OSBP2: variants seen among roughly 807,000 people sequenced by gnomAD.
OSBP2 encodes oxysterol binding protein 2.
A neutral mutation model predicts 96.0 loss-of-function variants in OSBP2; 66 were observed. The observed-to-expected ratio is 0.69, with a 90% CI of 0.56 to 0.84. The LOEUF is 0.84. OSBP2 is among the 40% of genes least tolerant of loss of function. The pLI, the probability that OSBP2 is intolerant of heterozygous loss-of-function variation, is 0.00. For synonymous variants in OSBP2, 525 were observed against 520.9 expected (o/e 1.01, Z -0.11); for missense variants, 1,038 against 1,222.7 (o/e 0.85, Z 2.25).
chr22:30,904,285 T>C (rs550342582), intron 12 of OSBP2, among the ~76,000 whole-genome samples: 16 of 152,328 alleles, frequency 1.1e-4, no homozygotes, highest in African/African-American at 3.8e-4. Context: ...CAGAACTCTC[T>C]CTCCTTCCTT....
intron 2 of OSBP2, among the ~76,000 whole-genome samples, chr22:30,763,810 C>T (rs949562987): frequency 3.3e-5 from 5 of 152,268 alleles, no homozygotes; most frequent in East Asian, 3.9e-4. Context: ...ATTTTATCTA[C>T]GAGCATTTAA....
At chr22:30,727,962 G>C (rs1425241681) in intron 1 of OSBP2, among the ~76,000 whole-genome samples, 1 of 151,116 alleles carries the variant, frequency 6.6e-6, no homozygotes, top group Non-Finnish European at 1.5e-5. Context: ...AAAATTAGCT[G>C]GGTGTGGTGG....
chr22:30,840,200 C>A, intron 2 of OSBP2, among the ~76,000 whole-genome samples: 1 of 136,980 alleles, frequency 7.3e-6, no homozygotes, highest in Non-Finnish European at 1.5e-5. Context: ...CCTAAAACTT[C>A]AAGTGTAATA....
intron 2 of OSBP2, among the ~76,000 whole-genome samples, chr22:30,862,904 C>T (rs183113942): frequency 2.0e-5 from 3 of 148,320 alleles, no homozygotes; most frequent in Non-Finnish European, 3.0e-5. Flanking sequence ...ACCTGGTAGG[C>T]GGAGGTTGCA....
intron 3 of OSBP2, among the ~76,000 whole-genome samples, chr22:30,886,094 G>C (rs1328320205): frequency 6.6e-6 from 1 of 152,260 alleles, no homozygotes; most frequent in Non-Finnish European, 1.5e-5. Context: ...AAATATGAGT[G>C]ACCACAGCCA....
intron 12 of OSBP2, chr22:30,902,760 C>A: frequency 2.2e-6 from 1 of 447,092 alleles, no homozygotes; most frequent in South Asian, 1.9e-5. Flanking sequence ...GAGTGGAATT[C>A]GTTCACAAGG....
chr22:30,829,920 C>G (rs185850843), intron 2 of OSBP2, among the ~76,000 whole-genome samples: 2 of 152,148 alleles, frequency 1.3e-5, no homozygotes, highest in Non-Finnish European at 2.9e-5. Flanking sequence ...GGTGACCCGA[C>G]GGGGGCCAAA....
At chr22:30,717,252 G>A (rs1425516127) in intron 1 of OSBP2, among the ~76,000 whole-genome samples, 1 of 151,758 alleles carries the variant, frequency 6.6e-6, no homozygotes, top group African/African-American at 2.4e-5. Flanking sequence ...CACCTTGCTG[G>A]GTCTTTAATC....
chr22:30,823,897 C>T (rs552412869), intron 2 of OSBP2, among the ~76,000 whole-genome samples: 14 of 152,312 alleles, frequency 9.2e-5, no homozygotes, highest in Admixed American at 7.2e-4. Context: ...ATGTTCTTTA[C>T]GCGAAATTTA....
chr22:30,830,902 A>AT (rs2038508500), intron 2 of OSBP2, among the ~76,000 whole-genome samples: 1 of 149,972 alleles, frequency 6.7e-6, no homozygotes, highest in Non-Finnish European at 1.5e-5. Flanking sequence ...AAAAAATGTC[A>AT]TTTTCACATG....
chr22:30,786,622 A>G (rs1357143426), intron 2 of OSBP2, among the ~76,000 whole-genome samples: 1 of 150,972 alleles, frequency 6.6e-6, no homozygotes, highest in Non-Finnish European at 1.5e-5. Context: ...CTTGTTGAAG[A>G]TAGGAGGAGT....
In OSBP2 at chr22:30,770,298, C is replaced by A. The variant is rs577259118; in HGVS notation, c.853+28929C>A. ...TATTTTTAGTAGAGACAGGGTTCAC[C>A]ATGTTGGCCAGGCTGACGAACTCCT... is the stretch of plus-strand genomic sequence containing the variant. On this transcript the variant is annotated intron_variant, in intron 2 of 13. Transcript: ENST00000332585. Among the ~76,000 whole-genome samples, 20 of 151,968 alleles carry A rather than the reference C, an allele frequency of 1.3e-4. No individual in the cohort carries two copies. In the South Asian group the frequency reaches 4.2e-3, roughly 32 times the overall value.
Position 30,696,820 on chromosome 22 carries a change from A to AT in OSBP2, c.644+1277dup, listed in dbSNP as rs888993841. 4.6e-3 allele frequency among the ~76,000 whole-genome samples: 692 copies of AT among 149,148 alleles called. 5 individuals carry two copies. The highest frequency in any genetic ancestry group is 0.015 in the African/African-American group (628 of 40,712). On this transcript the variant is annotated intron_variant, in intron 1 of 13. Coordinates refer to ENST00000332585, the MANE Select transcript of OSBP2 (RefSeq NM_030758.4). Reference sequence around the variant, plus strand: ...AGGCGCCCGTCACCATGCCCGGCTAATTTTTTTTTTGTATTTTTAGTAGAG... The same window carrying AT: ...AGGCGCCCGTCACCATGCCCGGCTAATTTTTTTTTTTGTATTTTTAGTAGAG...
At chr22:30,867,917 G>A (rs1034426688) in intron 2 of OSBP2, among the ~76,000 whole-genome samples, 6 of 152,210 alleles carry the variant, frequency 3.9e-5, no homozygotes, top group African/African-American at 1.4e-4. Context: ...GGGCCATTCT[G>A]ATGGACAGGG....
In OSBP2 at chr22:30,739,862, CAG is replaced by C. The variant is rs1423967277; in HGVS notation, c.645-1296_645-1295del. On this transcript the variant is annotated intron_variant, in intron 1 of 13. Coordinates refer to ENST00000332585, the MANE Select transcript of OSBP2 (RefSeq NM_030758.4). ...TTTGTTTGTTTGTTTGTGTTTGAGACAGAGTCTCGCTCTGTAGCCCAGGCTGG... is the reference window on the plus strand; with the variant it reads ...TTTGTTTGTTTGTTTGTGTTTGAGACAGTCTCGCTCTGTAGCCCAGGCTGG... Among the ~76,000 whole-genome samples, 5 of 151,964 alleles carry C rather than the reference CAG, an allele frequency of 3.3e-5. No homozygotes were observed. The South Asian group carries it at 8.3e-4, about 25-fold the overall frequency.
chr22:30,730,809 A>ATATATATATATATATATTAT (rs1569100787), intron 1 of OSBP2, among the ~76,000 whole-genome samples: 1 of 21,268 alleles, frequency 4.7e-5, no homozygotes, highest in African/African-American at 1.9e-4. Flanking sequence ...TATATATATA[A>ATATATATATATATATATTAT]TTTTTTTTTT....
At chr22:30,759,091 G>A (rs1339502136) in intron 2 of OSBP2, among the ~76,000 whole-genome samples, 1 of 152,200 alleles carries the variant, frequency 6.6e-6, no homozygotes, top group Non-Finnish European at 1.5e-5. Context: ...CGGGCGCAGT[G>A]TAACCTGGCA....
intron 1 of OSBP2, among the ~76,000 whole-genome samples, chr22:30,708,127 A>T (rs1602150242): frequency 6.6e-6 from 1 of 152,184 alleles, no homozygotes; most frequent in East Asian, 1.9e-4. Context: ...ACCTCAGGTG[A>T]TCCACCTGCC....
intron 1 of OSBP2, among the ~76,000 whole-genome samples, chr22:30,738,220 T>C (rs544961301): frequency 6.6e-6 from 1 of 152,174 alleles, no homozygotes; most frequent in East Asian, 1.9e-4. Flanking sequence ...GAACTGCCCC[T>C]CACCTGGTGG....
Sources: gnomAD v4.1 joint callset for allele counts (sites outside exome capture counted in the v4.1 genomes callset) on GRCh38, gnomAD v4.1.1 for gene constraint, MANE v1.5 for transcripts, NCBI Gene and HGNC (gene_info 2026-07-23, HGNC 2026-07-21) for gene names.